The following CSMD3 variants were observed in gnomAD, a reference collection of about 807,000 sequenced individuals.
The protein encoded by CSMD3 is CUB and Sushi multiple domains 3, also known as CUB and sushi domain-containing protein 3.
Under a neutral mutation model 435.2 loss-of-function variants are expected in CSMD3, and 177 were observed. That is an observed-to-expected ratio of 0.41 (90% CI 0.36 to 0.46). CSMD3 has a LOEUF of 0.46. Ranked by LOEUF, CSMD3 falls within the 20% of genes least tolerant of loss-of-function variation. The pLI is 0.34. For missense variants in CSMD3, 4,265 were observed against 4,504.6 expected (o/e 0.95, Z 1.52); for synonymous variants, 1,656 against 1,520.5 (o/e 1.09, Z -2.07).
chr8:112,804,675 AT>A (rs1554684174), intron 12 of CSMD3, among the ~76,000 whole-genome samples: 4 of 134,420 alleles, frequency 3.0e-5, no homozygotes, highest in African/African-American at 1.1e-4. Flanking sequence ...ATTTTATTTT[AT>A]TTTTTTTGAG....
rs140321227 is a variant in CSMD3, at chr8:113,415,453, C to T, written c.178+21224G>A. Among the ~76,000 whole-genome samples the T allele has an allele frequency of 5.8e-4, 88 of 152,188 alleles. 2 individuals carry two copies. The highest frequency in any genetic ancestry group is 2.0e-3 in the African/African-American group (84 of 41,534). Reference sequence around the variant, plus strand: ...AATAAAGCATCAACGTAGAAAAAAACGCAAAGCAGATTTCTCCCTAAAAGG... The same window carrying T: ...AATAAAGCATCAACGTAGAAAAAAATGCAAAGCAGATTTCTCCCTAAAAGG... On this transcript the variant is annotated intron_variant, in intron 1 of 70. Coordinates refer to ENST00000297405, the MANE Select transcript of CSMD3 (RefSeq NM_198123.2).
At chr8:112,556,647 A>T in intron 25 of CSMD3, 116 bp downstream of exon 25, 1 of 758,712 alleles carries the variant, frequency 1.3e-6, no homozygotes, top group Non-Finnish European at 2.2e-6. Flanking sequence ...TGAGTTCATT[A>T]ATTTCTCGAT....
At chr8:113,103,657 T>C (rs140700347) in intron 4 of CSMD3, among the ~76,000 whole-genome samples, 1 of 152,170 alleles carries the variant, frequency 6.6e-6, no homozygotes, top group East Asian at 1.9e-4. Context: ...TTAGTAAACA[T>C]CATTTTAATT....
chr8:112,822,991 A>T (rs1241732302), intron 12 of CSMD3, among the ~76,000 whole-genome samples: 2 of 152,124 alleles, frequency 1.3e-5, no homozygotes, highest in African/African-American at 4.8e-5. Context: ...AGCTGACTCG[A>T]TTGTGGGGGA....
At chr8:113,259,044 G>T (rs187602152) in intron 3 of CSMD3, among the ~76,000 whole-genome samples, 1 of 152,174 alleles carries the variant, frequency 6.6e-6, no homozygotes, top group African/African-American at 2.4e-5. Flanking sequence ...AGACAATTTG[G>T]AATTCAGGAA....
At chr8:112,674,222 A>T (rs2075721923) in intron 16 of CSMD3, among the ~76,000 whole-genome samples, 1 of 152,058 alleles carries the variant, frequency 6.6e-6, no homozygotes, top group African/African-American at 2.4e-5. Context: ...TAGAGAAGGT[A>T]TTATCACTTA....
chr8:112,662,503 A>T (rs1422522799), intron 17 of CSMD3, among the ~76,000 whole-genome samples: 2 of 152,086 alleles, frequency 1.3e-5, no homozygotes, highest in East Asian at 3.9e-4. Context: ...CCTTCCTTAC[A>T]CCTTATACAA....
chr8:112,927,908 G>T (rs2082963172), intron 9 of CSMD3, among the ~76,000 whole-genome samples: 1 of 152,036 alleles, frequency 6.6e-6, no homozygotes, highest in Non-Finnish European at 1.5e-5. Flanking sequence ...TTGCTTTGTG[G>T]AATGCTTAAG....
intron 61 of CSMD3, chr8:112,256,076 T>C (rs1387549484): frequency 6.6e-6 from 1 of 152,188 alleles, no homozygotes; most frequent in Non-Finnish European, 1.5e-5. Context: ...CGTGACAGGC[T>C]TTCTAAAAAT....
chr8:112,422,664 G>A (rs149695016), intron 32 of CSMD3, among the ~76,000 whole-genome samples: 25 of 152,272 alleles, frequency 1.6e-4, no homozygotes, highest in African/African-American at 5.1e-4. Flanking sequence ...ATCTTGCCCA[G>A]TAGGTAGACG....
chr8:113,292,955 CCAAA>C (rs1450341738), intron 2 of CSMD3, among the ~76,000 whole-genome samples: 9 of 151,734 alleles, frequency 5.9e-5, no homozygotes, highest in African/African-American at 1.2e-4. Flanking sequence ...TATCAACCAA[CCAAA>C]CAAACTGTTC....
chr8:113,424,181 A>C (rs2094622933), intron 1 of CSMD3, among the ~76,000 whole-genome samples: 1 of 151,706 alleles, frequency 6.6e-6, no homozygotes, highest in South Asian at 2.1e-4. Context: ...AAAATGTGAA[A>C]TACGTGATGA....
chr8:113,037,730 T>G (rs2087422220), intron 5 of CSMD3, among the ~76,000 whole-genome samples: 1 of 152,128 alleles, frequency 6.6e-6, no homozygotes, highest in Non-Finnish European at 1.5e-5. Context: ...GATCTCAAAT[T>G]AAATTTGTTT....
At chr8:112,598,028 CAGG>C (rs1831918143) in intron 22 of CSMD3, among the ~76,000 whole-genome samples, 1 of 147,270 alleles carries the variant, frequency 6.8e-6, no homozygotes, top group Admixed American at 6.8e-5. Flanking sequence ...GGCAATTAGG[CAGG>C]AGAAGGAAAT....
chr8:112,272,846 C>T (rs1480939747), intron 59 of CSMD3, among the ~76,000 whole-genome samples: 4 of 152,070 alleles, frequency 2.6e-5, no homozygotes, highest in Non-Finnish European at 5.9e-5. Context: ...TCCACTGAAA[C>T]CTCTCTCTTT....
intron 61 of CSMD3, among the ~76,000 whole-genome samples, chr8:112,256,798 G>C (rs1895016): frequency 0.67 from 101,155 of 152,052 alleles, 35,491 homozygotes; most frequent in African/African-American, 0.89. Flanking sequence ...CAACAAAATG[G>C]TTTTAAGTAT....
chr8:112,421,741 G>A (rs915932706), intron 32 of CSMD3, among the ~76,000 whole-genome samples: 2 of 149,086 alleles, frequency 1.3e-5, no homozygotes, highest in Admixed American at 6.7e-5. Context: ...TCCAATGAAA[G>A]TGAGAGAATT....
rs1249866767 is a variant in CSMD3 at position 112,752,897 on chromosome 8, C to CCG, written c.1972+47263_1972+47264dup. Among the ~76,000 whole-genome samples the CCG allele has an allele frequency of 2.1e-4, 23 of 107,188 alleles. No homozygotes were observed. The Admixed American group carries it at 2.2e-3, about 10-fold the overall frequency. The allele number at this position is 107,188 out of a possible 152,430, so 70.3% of individuals were successfully genotyped here. On this transcript the variant is annotated intron_variant, in intron 13 of 70. Transcript: ENST00000297405. ...TTTCTAAGCCCTTCAGTATTTGTTA[C>CCG]CGCGTGTGTGTGTGTGTGTGTGTGT...
At position 113,133,877 on chromosome 8, in the gene CSMD3, T is replaced by A. The variant is rs2091348930; in HGVS notation, c.710-34914A>T. Among the ~76,000 whole-genome samples the A allele has an allele frequency of 2.0e-5, 3 of 152,078 alleles. No individual in the cohort carries two copies. The South Asian group carries it at 6.2e-4, about 31-fold the overall frequency. On this transcript the variant is annotated intron_variant, in intron 4 of 70. Transcript: ENST00000297405. ...TTAACAGAAACAGAAAGTAGAATGG[T>A]GATTACCAGGGGTTATGCAGAGGGG... is the stretch of plus-strand genomic sequence containing the variant.
Sources: allele counts gnomAD v4.1 joint callset (sites outside exome capture counted in the v4.1 genomes callset), GRCh38; gene constraint gnomAD v4.1.1; transcripts MANE v1.5; gene names NCBI Gene and HGNC (gene_info 2026-07-23, HGNC 2026-07-21).